The following TUSC3 variants were observed in gnomAD, a reference collection of about 807,000 sequenced individuals.
TUSC3 encodes dolichyl-diphosphooligosaccharide--protein glycosyltransferase subunit TUSC3.
TUSC3 carries 45 observed loss-of-function variants against 44.8 expected under a neutral mutation model. The ratio of observed to expected loss-of-function variants is 1.00; its 90% confidence interval spans 0.79 to 1.29. The LOEUF (loss-of-function observed/expected upper bound fraction) is 1.29. Ranked by LOEUF, TUSC3 falls within the 50% of genes most tolerant of loss-of-function variation. The probability of loss-of-function intolerance (pLI) is 0.00; values close to 1 mark genes in which losing one functional copy is unlikely to be tolerated. For missense variants in TUSC3, 519 were observed against 437.9 expected (o/e 1.19, Z -1.65); for synonymous variants, 212 against 152.9 (o/e 1.39, Z -2.85).
chr8:15,521,552 T>C (rs781650319), intron 2 of TUSC3, among the ~76,000 whole-genome samples: 20 of 152,080 alleles, frequency 1.3e-4, no homozygotes, highest in African/African-American at 2.7e-4. Flanking sequence ...CCATACCACA[T>C]TGAAAGAAGA....
chr8:15,586,730 C>G (rs1237432904), intron 1 of TUSC3, among the ~76,000 whole-genome samples: 2 of 152,082 alleles, frequency 1.3e-5, no homozygotes, highest in Non-Finnish European at 2.9e-5. Flanking sequence ...GCTGAGCATA[C>G]CTATTGTGTG....
chr8:15,796,091 C>G, the TUSC3 span, among the ~76,000 whole-genome samples: 2 of 152,164 alleles, frequency 1.3e-5, no homozygotes, highest in Non-Finnish European at 2.9e-5. Flanking sequence ...AGTCCCAGGT[C>G]TGGCTTGCAT....
intron 1 of TUSC3, among the ~76,000 whole-genome samples, chr8:15,591,584 A>C (rs904354599): frequency 3.3e-5 from 5 of 152,246 alleles, no homozygotes; most frequent in Non-Finnish European, 5.9e-5. Context: ...ATTATTTGTC[A>C]TAAAGTGCTG....
chr8:15,759,257 A>G (rs1433519357), intron 10 of TUSC3, among the ~76,000 whole-genome samples: 1 of 151,734 alleles, frequency 6.6e-6, no homozygotes, highest in Non-Finnish European at 1.5e-5. Context: ...CCCCTTACCC[A>G]CCCACATAAG....
At chr8:15,703,383 T>C (rs1003757198) in intron 6 of TUSC3, among the ~76,000 whole-genome samples, 5 of 152,152 alleles carry the variant, frequency 3.3e-5, no homozygotes, top group African/African-American at 1.2e-4. Flanking sequence ...AAATTTAATG[T>C]ACTTTGGGTT....
At chr8:15,588,333 T>A (rs1248259306) in intron 1 of TUSC3, among the ~76,000 whole-genome samples, 1 of 152,202 alleles carries the variant, frequency 6.6e-6, no homozygotes, top group Non-Finnish European at 1.5e-5. Flanking sequence ...TTTTTTCAGA[T>A]ACTTGTTGGC....
intron 1 of TUSC3, among the ~76,000 whole-genome samples, chr8:15,595,079 C>G (rs1804007978): frequency 3.3e-5 from 5 of 152,252 alleles, no homozygotes; most frequent in Non-Finnish European, 1.5e-5. Flanking sequence ...TCCCACCAGT[C>G]CCTCCCTTTC....
chr8:15,444,413 G>C (rs1470869262), intron 1 of TUSC3, among the ~76,000 whole-genome samples: 2 of 152,182 alleles, frequency 1.3e-5, no homozygotes, highest in African/African-American at 4.8e-5. Flanking sequence ...AGTCAGGGGA[G>C]ATAGCAGTAG....
rs535677999 is a variant in TUSC3 at position 15,561,461 on chromosome 8, G to T, written c.138+20893G>T. 2.7e-4 allele frequency among the ~76,000 whole-genome samples: 39 copies of T among 142,634 alleles called. 1 individual carries two copies. The highest frequency in any genetic ancestry group is 9.9e-4 in the African/African-American group (39 of 39,204). 93.6% of individuals were successfully genotyped at this position (142,634 alleles called of 152,430 possible). A position where few individuals can be genotyped will look rare whatever the true frequency, so the allele number is the denominator to read the frequency against. ...AGAGGTTACTGCTGTCCTTTTGTTTGTCTGTGCCCTGCCCCCAGAGGTGGA... is the reference window on the plus strand; with the variant it reads ...AGAGGTTACTGCTGTCCTTTTGTTTTTCTGTGCCCTGCCCCCAGAGGTGGA... On this transcript the variant is annotated intron_variant, in intron 1 of 10. Transcript: ENST00000503731.
intron 10 of TUSC3, among the ~76,000 whole-genome samples, chr8:15,761,641 C>T (rs1334891273): frequency 6.6e-6 from 1 of 152,156 alleles, no homozygotes; most frequent in African/African-American, 2.4e-5. Context: ...CAGTGCGATT[C>T]GTTCATGACT....
At chr8:15,573,198 CTCTCTATA>C (rs1450299263) in intron 1 of TUSC3, among the ~76,000 whole-genome samples, 319 of 101,498 alleles carry the variant, frequency 3.1e-3, no homozygotes, top group African/African-American at 7.9e-3. Context: ...CTCTCTCTCT[CTCTCTATA>C]TATATATATA....
upstream of TUSC3, chr8:15,540,204 C>A: frequency 1.8e-6 from 1 of 566,224 alleles, no homozygotes. Context: ...GCCACGCCCA[C>A]TTCCTGCCCC....
At chr8:15,562,049 T>G (rs1302396930) in intron 1 of TUSC3, among the ~76,000 whole-genome samples, 1 of 152,104 alleles carries the variant, frequency 6.6e-6, no homozygotes. Flanking sequence ...AATTTTTAAG[T>G]AGGCCTTCAT....
At chr8:15,652,359 A>G (rs1317461211) in intron 3 of TUSC3, among the ~76,000 whole-genome samples, 1 of 152,164 alleles carries the variant, frequency 6.6e-6, no homozygotes, top group Non-Finnish European at 1.5e-5. Context: ...AGTTAAATAA[A>G]TTCTCTCTTT....
chr8:15,740,378 G>C (rs774314471), intron 7 of TUSC3, among the ~76,000 whole-genome samples: 20 of 151,942 alleles, frequency 1.3e-4, no homozygotes, highest in Admixed American at 5.2e-4. Context: ...TAAAATTAAA[G>C]TTTTCTACAT....
chr8:15,602,043 C>A (rs1804310110), intron 1 of TUSC3, among the ~76,000 whole-genome samples: 1 of 151,258 alleles, frequency 6.6e-6, no homozygotes, highest in Non-Finnish European at 1.5e-5. Context: ...ACCCTAAACC[C>A]AAAACTTTGT....
intron 6 of TUSC3, among the ~76,000 whole-genome samples, chr8:15,687,495 T>C (rs1808687267): frequency 6.6e-6 from 1 of 152,232 alleles, no homozygotes; most frequent in Non-Finnish European, 1.5e-5. Flanking sequence ...TCTAGTTAGC[T>C]TTGGTAGAAC....
the TUSC3 span, among the ~76,000 whole-genome samples, chr8:15,784,505 T>TGA: frequency 1.3e-5 from 2 of 151,934 alleles, no homozygotes; most frequent in Non-Finnish European, 2.9e-5. Flanking sequence ...TGTATGTGTG[T>TGA]GTGTGTGTGT....
At chr8:15,760,315 A>G (rs781151191) in intron 10 of TUSC3, among the ~76,000 whole-genome samples, 1 of 152,150 alleles carries the variant, frequency 6.6e-6, no homozygotes, top group Non-Finnish European at 1.5e-5. Flanking sequence ...TGTAATACAT[A>G]TTTTGTAAGC....
Sources: allele counts gnomAD v4.1 joint callset (sites outside exome capture counted in the v4.1 genomes callset), GRCh38; gene constraint gnomAD v4.1.1; transcripts MANE v1.5; gene names NCBI Gene and HGNC (gene_info 2026-07-23, HGNC 2026-07-21).